Variants in LRRC49 observed in about 807,000 individuals in gnomAD.
LRRC49 encodes the protein leucine rich repeat containing 49, also known as leucine-rich repeat-containing protein 49.
Under a neutral mutation model 83.3 loss-of-function variants are expected in LRRC49, and 50 were observed. The ratio of observed to expected loss-of-function variants is 0.60; its 90% CI spans 0.48 to 0.76. LRRC49 has a LOEUF of 0.76. LRRC49 is among the 30% of genes least tolerant of loss of function. LRRC49 has a pLI of 0.00. For missense variants in LRRC49, 704 were observed against 809.1 expected, an observed-to-expected ratio of 0.87 and a Z score of 1.58; for synonymous variants, 286 against 283.3, an observed-to-expected ratio of 1.01 and a Z score of -0.10.
At chr15:70,956,231 A>C (rs2036395813) in intron 8 of LRRC49, among the ~76,000 whole-genome samples, 1 of 152,232 alleles carries the variant, frequency 6.6e-6, no homozygotes, top group Non-Finnish European at 1.5e-5. Context: ...TATTTTATTA[A>C]GTAAGCATAA....
intron 8 of LRRC49, among the ~76,000 whole-genome samples, chr15:70,959,539 AAGGAAGGAAG>A (rs2036526397): frequency 1.2e-4 from 1 of 8,018 alleles, no homozygotes; most frequent in African/African-American, 2.1e-4. Flanking sequence ...GAAAGGAGGG[AAGGAAGGAAG>A]GAAGGAAGGA....
At chr15:70,892,505 G>A, upstream of LRRC49, 1 of 1,525,438 alleles carries the variant, frequency 6.6e-7, no homozygotes, top group Admixed American at 2.0e-5. Context: ...AGGAGCCAGT[G>A]GACACAAGCA....
At chr15:71,017,984 C>T (rs2038879056) in intron 14 of LRRC49, among the ~76,000 whole-genome samples, 1 of 151,996 alleles carries the variant, frequency 6.6e-6, no homozygotes. Flanking sequence ...TATCATAGTA[C>T]TTCCACATTT....
intron 9 of LRRC49, among the ~76,000 whole-genome samples, chr15:70,977,723 C>A (rs2037256956): frequency 6.6e-6 from 1 of 152,112 alleles, no homozygotes; most frequent in South Asian, 2.1e-4. Flanking sequence ...CATTACATTT[C>A]CATTTCCATT....
intron 11 of LRRC49, among the ~76,000 whole-genome samples, chr15:71,004,773 A>G (rs2038397465): frequency 6.6e-6 from 1 of 152,174 alleles, no homozygotes; most frequent in South Asian, 2.1e-4. Flanking sequence ...GGAGGCCATT[A>G]TCATTAGCAA....
intron 8 of LRRC49, among the ~76,000 whole-genome samples, chr15:70,953,580 T>G (rs957359710): frequency 2.0e-5 from 3 of 152,202 alleles, no homozygotes; most frequent in African/African-American, 7.2e-5. Context: ...CCTTGGAGAA[T>G]CTGATGACTG....
At chr15:70,912,697 G>A (rs982423596) in intron 6 of LRRC49, among the ~76,000 whole-genome samples, 10 of 150,898 alleles carry the variant, frequency 6.6e-5, no homozygotes, top group Non-Finnish European at 1.3e-4. Context: ...TTATTTTTGA[G>A]ACGGAGTCTT....
intron 8 of LRRC49, among the ~76,000 whole-genome samples, chr15:70,962,257 G>A (rs1357567819): frequency 2.0e-5 from 3 of 152,184 alleles, no homozygotes; most frequent in Non-Finnish European, 2.9e-5. Context: ...TTCATTTGGT[G>A]ATGGATTAGA....
chr15:70,870,339 T>G (rs890536328), intron 1 of LRRC49, among the ~76,000 whole-genome samples: 1 of 152,140 alleles, frequency 6.6e-6, no homozygotes, highest in Non-Finnish European at 1.5e-5. Context: ...CAACTGTGGT[T>G]TACCATTTTT....
intron 8 of LRRC49, among the ~76,000 whole-genome samples, chr15:70,939,930 A>G (rs557203493): frequency 1.1e-4 from 17 of 149,664 alleles, no homozygotes; most frequent in African/African-American, 4.2e-4. Context: ...TAGTACATAT[A>G]GTATGGTTAA....
At chr15:70,978,008 G>A (rs2037267801) in intron 9 of LRRC49, among the ~76,000 whole-genome samples, 1 of 151,944 alleles carries the variant, frequency 6.6e-6, no homozygotes. Flanking sequence ...TTTAAACTCT[G>A]TGTTGGTTTC....
intron 7 of LRRC49, among the ~76,000 whole-genome samples, chr15:70,921,454 G>A (rs961622916): frequency 3.3e-5 from 5 of 152,194 alleles, no homozygotes; most frequent in African/African-American, 7.2e-5. Flanking sequence ...GTTCATGACA[G>A]AAGTGGGAGT....
At chr15:70,874,033 T>A (rs773955650) in intron 2 of LRRC49, among the ~76,000 whole-genome samples, 16 of 152,176 alleles carry the variant, frequency 1.1e-4, no homozygotes, top group Non-Finnish European at 1.6e-4. Flanking sequence ...TGGGTGTTGT[T>A]AGTAAACCAG....
intron 5 of LRRC49, among the ~76,000 whole-genome samples, chr15:70,906,974 C>G (rs984323570): frequency 1.2e-4 from 19 of 152,198 alleles, no homozygotes; most frequent in African/African-American, 4.6e-4. Context: ...ATATTCTCCC[C>G]TATTGCATGT....
At chr15:70,900,861 C>A in intron 3 of LRRC49, 61 bp from the exon 4 acceptor site, 1 of 972,546 alleles carries the variant, frequency 1.0e-6, no homozygotes, top group Non-Finnish European at 1.6e-6. Flanking sequence ...TATAAGATGA[C>A]TTTAGTTTCA....
At chr15:70,982,598 AAAAG>A (rs1322939899) in intron 10 of LRRC49, among the ~76,000 whole-genome samples, 3 of 152,152 alleles carry the variant, frequency 2.0e-5, no homozygotes, top group African/African-American at 4.8e-5. Flanking sequence ...ACAACAGAAA[AAAAG>A]AAAGCCAGGC....
At chr15:70,891,267 G>A (rs2033553354), upstream of LRRC49, among the ~76,000 whole-genome samples, 1 of 152,156 alleles carries the variant, frequency 6.6e-6, no homozygotes, top group South Asian at 2.1e-4. Flanking sequence ...GCAAGATGGG[G>A]AAAGTCAGCT....
At chr15:70,863,337 G>A (rs2032835826) in intron 1 of LRRC49, among the ~76,000 whole-genome samples, 1 of 152,204 alleles carries the variant, frequency 6.6e-6, no homozygotes, top group African/African-American at 2.4e-5. Flanking sequence ...CCGAAGGTAT[G>A]GGATGGTCTT....
At chr15:70,996,922 G>A (rs1051124376) in intron 11 of LRRC49, among the ~76,000 whole-genome samples, 3 of 152,222 alleles carry the variant, frequency 2.0e-5, no homozygotes, top group African/African-American at 7.2e-5. Context: ...AAGACATTTT[G>A]TAGAATTTAA....
Sources: gnomAD v4.1 joint callset for allele counts (sites outside exome capture counted in the v4.1 genomes callset) on GRCh38, gnomAD v4.1.1 for gene constraint, MANE v1.5 for transcripts, NCBI Gene and HGNC (gene_info 2026-07-23, HGNC 2026-07-21) for gene names.